Variants in GLI2 observed in about 807,000 individuals in gnomAD.
GLI2 encodes GLI family zinc finger 2.
GLI2 carries 22 observed loss-of-function variants against 78.9 expected under a neutral mutation model. The ratio of observed to expected loss-of-function variants is 0.28; its 90% confidence interval spans 0.20 to 0.40. The LOEUF (loss-of-function observed/expected upper bound fraction) is 0.40. GLI2 is among the 10% of genes least tolerant of loss of function. The pLI, the probability that GLI2 is intolerant of heterozygous loss-of-function variation, is 1.00. For missense variants in GLI2, 2,097 were observed against 2,213.2 expected, an observed-to-expected ratio of 0.95 and a Z score of 1.05; for synonymous variants, 974 against 963.7, an observed-to-expected ratio of 1.01 and a Z score of -0.20.
chr2:120,794,883 C>A (rs1429796385), intron 1 of GLI2, among the ~76,000 whole-genome samples: 4 of 152,118 alleles, frequency 2.6e-5, no homozygotes, highest in Non-Finnish European at 5.9e-5. Flanking sequence ...TTCTCTCCCC[C>A]ATCTGCCTGA....
chr2:120,982,957 C>T, intron 11 of GLI2, 77 bp downstream of exon 11: 1 of 1,433,222 alleles, frequency 7.0e-7, no homozygotes. Flanking sequence ...CATCTGTAGT[C>T]CAGTAGATAG....
chr2:120,770,698 G>A (rs1683497240), intron 1 of GLI2, among the ~76,000 whole-genome samples: 1 of 152,204 alleles, frequency 6.6e-6, no homozygotes, highest in African/African-American at 2.4e-5. Context: ...TTTCCTCATT[G>A]TGAATTAAGC....
chr2:120,962,868 T>A (rs941704940), intron 5 of GLI2, among the ~76,000 whole-genome samples: 1 of 152,224 alleles, frequency 6.6e-6, no homozygotes, highest in African/African-American at 2.4e-5. Flanking sequence ...AAAAAATGTG[T>A]TACGAAGATG....
chr2:120,852,424 A>G (rs971662888), intron 2 of GLI2, among the ~76,000 whole-genome samples: 1 of 152,172 alleles, frequency 6.6e-6, no homozygotes, highest in Non-Finnish European at 1.5e-5. Context: ...TACCCCCACC[A>G]GGGGTGCCAG....
At chr2:120,820,881 C>T (rs1215226295) in intron 2 of GLI2, among the ~76,000 whole-genome samples, 1 of 152,104 alleles carries the variant, frequency 6.6e-6, no homozygotes, top group African/African-American at 2.4e-5. Flanking sequence ...CTTGAGTGGC[C>T]AGAGGAGCAG....
chr2:120,890,669 T>C (rs1205818673), intron 2 of GLI2, among the ~76,000 whole-genome samples: 2 of 152,194 alleles, frequency 1.3e-5, no homozygotes, highest in African/African-American at 4.8e-5. Context: ...TGCATTTGAA[T>C]CTCAAATTAG....
chr2:120,840,247 C>G (rs1182282445), intron 2 of GLI2, among the ~76,000 whole-genome samples: 4 of 152,222 alleles, frequency 2.6e-5, no homozygotes, highest in Non-Finnish European at 5.9e-5. Flanking sequence ...TGTCCATTCT[C>G]TCTTCCTGGA....
chr2:120,820,509 G>A (rs1468738317), intron 2 of GLI2, among the ~76,000 whole-genome samples: 1 of 152,236 alleles, frequency 6.6e-6, no homozygotes, highest in Non-Finnish European at 1.5e-5. Flanking sequence ...GAGCTGCCTT[G>A]AGGCACTCCG....
At position 120,765,193 on chromosome 2, in the gene GLI2, G is replaced by A. The variant is rs541171488; in HGVS notation, c.-31+28908G>A. On this transcript the variant is annotated intron_variant, in intron 1 of 13. Coordinates refer to ENST00000361492, the MANE Select transcript of GLI2 (RefSeq NM_001374353.1). ...TCTAGACCCCAGTCTGGGATCCTTG[G>A]GCCTCTCTCATGTGCCCTCAGGGGA... 2.8e-4 allele frequency among the ~76,000 whole-genome samples: 43 copies of A among 152,226 alleles called. No individual in the cohort carries two copies. In the Middle Eastern group the frequency reaches 0.01, roughly 36 times the overall value.
intron 3 of GLI2, among the ~76,000 whole-genome samples, chr2:120,932,006 C>T (rs1679966236): frequency 6.6e-6 from 1 of 152,156 alleles, no homozygotes; most frequent in South Asian, 2.1e-4. Context: ...TCGGGGCTGG[C>T]CCTGGGCTCT....
intron 2 of GLI2, among the ~76,000 whole-genome samples, chr2:120,887,853 A>T (rs899794874): frequency 6.6e-6 from 1 of 152,162 alleles, no homozygotes; most frequent in African/African-American, 2.4e-5. Context: ...GGGCCCGGGG[A>T]TCCTAACGCA....
chr2:120,972,650 T>C (rs745406298), intron 8 of GLI2: 4 of 518,974 alleles, frequency 7.7e-6, no homozygotes, highest in Non-Finnish European at 1.5e-5. Flanking sequence ...CTGACTGGGT[T>C]CCATGCCACC....
intron 1 of GLI2, among the ~76,000 whole-genome samples, chr2:120,788,217 T>G (rs1345880402): frequency 2.0e-5 from 3 of 152,250 alleles, no homozygotes; most frequent in Non-Finnish European, 4.4e-5. Context: ...CTGCACTCAC[T>G]GGCCTCCAGC....
At chr2:120,944,108 C>T (rs886690770) in intron 3 of GLI2, among the ~76,000 whole-genome samples, 2 of 152,202 alleles carry the variant, frequency 1.3e-5, no homozygotes, top group African/African-American at 4.8e-5. Flanking sequence ...CTGGCATGCT[C>T]GCTTAGGCCC....
intron 1 of GLI2, among the ~76,000 whole-genome samples, chr2:120,764,462 G>T (rs955769318): frequency 1.3e-4 from 20 of 152,222 alleles, no homozygotes; most frequent in African/African-American, 2.9e-4. Context: ...ATTACTTCCA[G>T]GTTTGCCTTT....
At chr2:120,890,435 A>G (rs1050576455) in intron 2 of GLI2, among the ~76,000 whole-genome samples, 6 of 118,628 alleles carry the variant, frequency 5.1e-5, no homozygotes, top group Admixed American at 1.6e-4. Flanking sequence ...AAATGCACAC[A>G]CATTCACATA....
chr2:120,798,207 G>A (rs1469228096), intron 2 of GLI2, among the ~76,000 whole-genome samples: 1 of 152,250 alleles, frequency 6.6e-6, no homozygotes, highest in Non-Finnish European at 1.5e-5. Flanking sequence ...CAGGGCTGAG[G>A]CACAGCTCAG....
intron 2 of GLI2, among the ~76,000 whole-genome samples, chr2:120,867,833 A>G (rs879346229): frequency 2.6e-5 from 4 of 151,648 alleles, no homozygotes; most frequent in Non-Finnish European, 4.4e-5. Flanking sequence ...AGGATGGGGG[A>G]GGAAAGGAAG....
At chr2:120,765,278 G>T (rs1683333179) in intron 1 of GLI2, among the ~76,000 whole-genome samples, 1 of 152,258 alleles carries the variant, frequency 6.6e-6, no homozygotes, top group African/African-American at 2.4e-5. Flanking sequence ...GGAGAGGGCA[G>T]ACGGGCCGCC....
Sources: allele counts gnomAD v4.1 joint callset (sites outside exome capture counted in the v4.1 genomes callset), GRCh38; gene constraint gnomAD v4.1.1; transcripts MANE v1.5; gene names NCBI Gene and HGNC (gene_info 2026-07-23, HGNC 2026-07-21).